Variants in GPR107 observed in about 807,000 individuals in gnomAD.
GPR107 encodes G protein-coupled receptor 107.
In GPR107, 31 loss-of-function variants were observed where a neutral mutation model predicts 75.5. The ratio of observed to expected loss-of-function variants is 0.41; its 90% CI spans 0.31 to 0.55. The LOEUF is 0.55. Among genes scored for constraint, GPR107 ranks in the 20% least tolerant of loss-of-function variants. GPR107 has a pLI of 0.26. For missense variants in GPR107, 572 were observed against 665.7 expected (o/e 0.86, Z 1.55); for synonymous variants, 267 against 251.3 (o/e 1.06, Z -0.59).
At chr9:130,084,301 G>A (rs1830564263) in intron 6 of GPR107, among the ~76,000 whole-genome samples, 1 of 151,650 alleles carries the variant, frequency 6.6e-6, no homozygotes, top group Non-Finnish European at 1.5e-5. Context: ...GGGAGGCTGA[G>A]GCAGGAGAAT....
chr9:130,092,509 A>G (rs1830766471), intron 9 of GPR107, 128 bp downstream of exon 9: 2 of 755,346 alleles, frequency 2.6e-6, no homozygotes, highest in African/African-American at 3.5e-5. Context: ...ATCTTCCCGG[A>G]AACAGTATGA....
In GPR107 at chr9:130,062,623, T is replaced by TTCCTGCCC. The variant is rs1435863475; in HGVS notation, c.141+8557_141+8558insCTCCTGCC. ...TCGCCTGCCTGCCTGCCTGCCTGCC[T>TTCCTGCCC]TCCTGCCTTCCTGCCTGCCTGCCTG... is the stretch of plus-strand genomic sequence containing the variant. On this transcript the variant is annotated intron_variant, in intron 1 of 17. Transcript: ENST00000347136. 4.9e-4 allele frequency among the ~76,000 whole-genome samples: 29 copies of TTCCTGCCC among 58,860 alleles called. 1 individual carries two copies. Among genetic ancestry groups the TTCCTGCCC allele is most frequent in the African/African-American group, 1.6e-3 (27 of 16,776 alleles). The allele number at this position is 58,860 out of a possible 152,430, so 38.6% of individuals were successfully genotyped here.
Position 130,054,043 on chromosome 9 carries a change from C to T in GPR107, c.111C>T (p.Gly37=), listed in dbSNP as rs1829653733. ...TGCTGCAGTTGCTGGCCGAGCCTGGCCTGGGCCGCGTCCATCACCTGGCAC... is the reference window on the plus strand; with the variant it reads ...TGCTGCAGTTGCTGGCCGAGCCTGGTCTGGGCCGCGTCCATCACCTGGCAC... ...LGLLQLLAEP[G]LGRVHHLALK... Residue 37 remains glycine, a synonymous_variant, in exon 1 of 18, where the codon GGC becomes GGT. Transcript: ENST00000347136. 6.4e-7 allele frequency: 1 copy of T among 1,554,970 alleles called. No individual in the cohort carries two copies.
chr9:130,076,321 C>T (rs1830348062), intron 2 of GPR107, 91 bp from the exon 3 acceptor site: 6 of 788,036 alleles, frequency 7.6e-6, no homozygotes, highest in East Asian at 5.0e-5. Flanking sequence ...GAGGAGACCA[C>T]GTTAGAAGTA....
rs528906951 is a variant in GPR107 at position 130,094,509 on chromosome 9, G to A, written c.863+2128G>A. ...GATTGCTTGAGCCCAAGGGTTCGAG[G>A]CTGTAGTGAACTATGTTTGTGCCAC... On this transcript the variant is annotated intron_variant, in intron 9 of 17. Coordinates refer to ENST00000347136, the MANE Select transcript of GPR107 (RefSeq NM_020960.5). Among the ~76,000 whole-genome samples, 259 of 152,224 alleles carry A rather than the reference G, an allele frequency of 1.7e-3. 3 individuals carry two copies. The highest frequency in any genetic ancestry group is 1.2e-3 in the Non-Finnish European group (79 of 68,006).
chr9:130,126,573 C>A (rs1831693163), intron 15 of GPR107, among the ~76,000 whole-genome samples: 1 of 152,110 alleles, frequency 6.6e-6, no homozygotes, highest in Non-Finnish European at 1.5e-5. Context: ...TGGTCTCGAA[C>A]TCCTGACCTC....
chr9:130,082,442 G>A (rs933985191), intron 5 of GPR107, among the ~76,000 whole-genome samples: 2 of 151,340 alleles, frequency 1.3e-5, no homozygotes, highest in Non-Finnish European at 2.9e-5. Flanking sequence ...CCTGCAGGGA[G>A]CCTGAAGTCC....
At position 130,079,763 on chromosome 9, in the gene GPR107, A is replaced by T. The variant is rs765581698; in HGVS notation, c.520A>T (p.Thr174Ser). Residue 174 changes from threonine (T) to serine (S), a missense_variant, in exon 5 of 18, where the codon ACA becomes TCA. Thr to Ser is a moderately conservative substitution (Grantham distance 58, BLOSUM62 1). Coordinates refer to ENST00000347136, the MANE Select transcript of GPR107 (RefSeq NM_020960.5). ...PASAGNQTQKTQDGGKSKRST... is the reference protein window; with the variant it reads ...PASAGNQTQKSQDGGKSKRST... ...TTCAGCAGGCAACCAGACCCAGAAGACACAAGGTAAACCGTAAGGTGGAAA... is the reference window on the plus strand; with the variant it reads ...TTCAGCAGGCAACCAGACCCAGAAGTCACAAGGTAAACCGTAAGGTGGAAA... 1.9e-6 allele frequency: 3 copies of T among 1,609,052 alleles called. No individual in the cohort carries two copies. The highest frequency in any genetic ancestry group is 1.7e-5 in the Admixed American group (1 of 59,194).
chr9:130,085,754 A>ATTTTTTTTTTCTTTTTTT (rs1830598911), intron 6 of GPR107, among the ~76,000 whole-genome samples: 1 of 78,674 alleles, frequency 1.3e-5, no homozygotes, highest in Non-Finnish European at 2.4e-5. Flanking sequence ...CAATATTTTG[A>ATTTTTTTTTTCTTTTTTT]TTTTTTTTTT....
At chr9:130,075,595 C>G in intron 1 of GPR107, 41 bp from the exon 2 acceptor site, 1 of 1,055,752 alleles carries the variant, frequency 9.5e-7, no homozygotes, top group Non-Finnish European at 1.5e-6. Context: ...ATCAAAAGCA[C>G]TTTTCCATAT....
chr9:130,128,903 C>CT, intron 17 of GPR107, 142 bp downstream of exon 17: 1 of 732,264 alleles, frequency 1.4e-6, no homozygotes, highest in Non-Finnish European at 2.3e-6. Context: ...GAAGCGGACA[C>CT]TGGAGCCCCA....
chr9:130,100,612 C>G lies in GPR107; in HGVS notation c.940-17C>G, dbSNP rs1173115869. ...GTAGATAATGAGTGATTCTGAAATG[C>G]AGTTGTTTGATTTCAGATTGACTAC... On this transcript the variant is annotated splice_polypyrimidine_tract_variant and intron_variant, in intron 10 of 17. Transcript: ENST00000347136. The G allele has an allele frequency of 6.4e-7, 1 of 1,568,484 alleles. No homozygotes were observed.
At chr9:130,105,860 A>G (rs555099801) in intron 13 of GPR107, among the ~76,000 whole-genome samples, 3 of 151,546 alleles carry the variant, frequency 2.0e-5, no homozygotes, top group African/African-American at 7.3e-5. Flanking sequence ...GGGTTTTGCC[A>G]TGTTGCCCAG....
chr9:130,099,393 G>T (rs2286792), intron 9 of GPR107, 64 bp from the exon 10 acceptor site: 81,889 of 885,518 alleles, frequency 0.092, 4,338 homozygotes, highest in East Asian at 0.15. Context: ...CTAATGTCTG[G>T]AGCTTTGGCT....
rs1830325190 is a variant in GPR107 at position 130,075,641 on chromosome 9, T to C, written c.147T>C (p.Asp49=). The C allele has an allele frequency of 2.6e-6, 4 of 1,523,640 alleles. No homozygotes were observed. The highest frequency in any genetic ancestry group is 3.3e-5 in the Admixed American group (2 of 59,886). The allele number at this position is 1,523,640 out of a possible 1,614,324, so 94.4% of individuals were successfully genotyped here. A position where few individuals can be genotyped will look rare whatever the true frequency, so the allele number is the denominator to read the frequency against. Residue 49 remains aspartate, a synonymous_variant, in exon 2 of 18, where the codon GAT becomes GAC. Transcript: ENST00000347136. ...GRVHHLALKD[D]VRHKVHLNTF... ...ACCACTACAAATCTCTTTAGGATGATGTGAGGCATAAAGTTCATCTGAACA... is the reference window on the plus strand; with the variant it reads ...ACCACTACAAATCTCTTTAGGATGACGTGAGGCATAAAGTTCATCTGAACA...
At position 130,101,188 on chromosome 9, in the gene GPR107, G is replaced by C. The variant is rs1367685211; in HGVS notation, c.1096G>C (p.Asp366His). The C allele has an allele frequency of 1.3e-6, 2 of 1,593,526 alleles. No homozygotes were observed. Among genetic ancestry groups the C allele is most frequent in the Admixed American group, 3.3e-5 (2 of 59,976 alleles). The change falls in exon 12 of 18, where the codon GAC becomes CAC. Residue 366 changes from aspartate (D) to histidine (H), a missense_variant. Asp to His is a moderately conservative substitution (Grantham distance 81). Coordinates refer to ENST00000347136, the MANE Select transcript of GPR107 (RefSeq NM_020960.5). ...CATTAAGCACATCCTTTCTGATAAA[G>C]ACAAAAAGATCTTCATGATTGTCAT... Reference protein sequence around the residue: ...AFIKHILSDKDKKIFMIVIPL... With the variant: ...AFIKHILSDKHKKIFMIVIPL...
intron 1 of GPR107, among the ~76,000 whole-genome samples, chr9:130,061,350 G>A (rs947938625): frequency 6.6e-6 from 1 of 152,244 alleles, no homozygotes; most frequent in East Asian, 1.9e-4. Context: ...ACTCTGAAGA[G>A]TTAATATGTG....
intron 14 of GPR107, among the ~76,000 whole-genome samples, chr9:130,124,311 C>T (rs1436421592): frequency 1.3e-5 from 2 of 152,164 alleles, no homozygotes; most frequent in African/African-American, 4.8e-5. Flanking sequence ...TAGGCAGTGT[C>T]AGGAAGGTAG....
chr9:130,133,161 C>T (rs1831870384), intron 17 of GPR107: 1 of 152,190 alleles, frequency 6.6e-6, no homozygotes, highest in Non-Finnish European at 1.5e-5. Flanking sequence ...CTCCGAAGAG[C>T]AATAAGACCA....
Sources: gnomAD v4.1 joint callset for allele counts (sites outside exome capture counted in the v4.1 genomes callset) on GRCh38, gnomAD v4.1.1 for gene constraint, MANE v1.5 for transcripts, NCBI Gene and HGNC (gene_info 2026-07-23, HGNC 2026-07-21) for gene names.